Variants in DMPK observed in about 807,000 individuals in gnomAD.
DMPK encodes myotonin-protein kinase.
DMPK carries 32 observed loss-of-function variants against 70.3 expected under a neutral mutation model. That is an observed-to-expected ratio of 0.46 (90% CI 0.34 to 0.61). The LOEUF (loss-of-function observed/expected upper bound fraction) is 0.61. Among genes scored for constraint, DMPK ranks in the 20% least tolerant of loss-of-function variants. The pLI is 0.01. For missense variants in DMPK, 899 were observed against 886.0 expected (o/e 1.01, Z -0.19); for synonymous variants, 469 against 390.9 (o/e 1.20, Z -2.36).
In DMPK at chr19:45,770,998, G is replaced by C. The variant is rs567838390; in HGVS notation, c.1710C>G (p.His570Gln). The change falls in exon 14 of 15, where the codon CAC becomes CAG. Residue 570 changes from histidine (H) to glutamine (Q), a missense_variant. By Grantham distance (24) the His-to-Gln change is conservative. Coordinates refer to ENST00000291270, the MANE Select transcript of DMPK (RefSeq NM_004409.5). The stretch of plus-strand genomic sequence containing the variant: ...TGGCAGGGAGCAGCAGGTGGCGGCG[G>C]TGCATGGGGCCTGGCCCCACCAGCG... ...QCPLVGPGPM[H>Q]RRHLLLPARV... 12 of 1,445,012 alleles carry C rather than the reference G, an allele frequency of 8.3e-6. No homozygotes were observed. The highest frequency in any genetic ancestry group is 1.0e-5 in the Non-Finnish European group (11 of 1,102,686). The allele number at this position is 1,445,012 out of a possible 1,614,324, so 89.5% of individuals were successfully genotyped here.
Position 45,782,232 on chromosome 19 carries a change from G to A in DMPK, c.121C>T (p.Leu41=). The A allele has an allele frequency of 6.2e-7, 1 of 1,608,514 alleles. No homozygotes were observed. Among genetic ancestry groups the A allele is most frequent in the South Asian group, 1.1e-5 (1 of 90,614 alleles). The part of the protein sequence containing the change: ...GVHQELGASE[L]AQDKYVADFL... ...TCGGCCACGTACTTGTCCTGGGCCA[G>A]TTCGGAGGCGCCCAGCTCCTGGTGG... The change falls in exon 1 of 15, where the codon CTG becomes TTG. Residue 41 remains leucine, a synonymous_variant. Transcript: ENST00000291270.
In DMPK at chr19:45,779,820, G is replaced by C; in HGVS notation, c.210C>G (p.Asp70Glu). 6.3e-7 allele frequency: 1 copy of C among 1,587,472 alleles called. No individual in the cohort carries two copies. Among genetic ancestry groups the C allele is most frequent in the Non-Finnish European group, 8.6e-7 (1 of 1,164,616 alleles). Residue 70 changes from aspartate to glutamate, a missense_variant, in exon 2 of 15, where the codon GAC becomes GAG. Physicochemically the swap from Asp to Glu is conservative, Grantham distance 45 (BLOSUM62 2). This residue lies in a region of DMPK where 149 missense variants were observed against 142.5 expected (regional missense o/e 1.05). Coordinates refer to ENST00000291270, the MANE Select transcript of DMPK (RefSeq NM_004409.5). Reference protein sequence around the residue: ...RLKEVRLQRDDFEILKVIGRG... With the variant: ...RLKEVRLQRDEFEILKVIGRG... The stretch of plus-strand genomic sequence containing the variant: ...GTCCGATCACCTTCAGAATCTCGAA[G>C]TCGTCCCTCTGCAGTCGGACCTCCT...
At chr19:45,771,527 C>T in intron 12 of DMPK, 41 bp downstream of exon 12, 2 of 1,613,050 alleles carry the variant, frequency 1.2e-6, no homozygotes, top group Non-Finnish European at 8.5e-7. Context: ...CGGCCCACCT[C>T]CTCCCGGTCC....
chr19:45,777,190 T>C lies in DMPK; in HGVS notation c.1146+137A>G, dbSNP rs556995262. 5 of 1,238,724 alleles carry C rather than the reference T, an allele frequency of 4.0e-6. No homozygotes were observed. Among genetic ancestry groups the C allele is most frequent in the South Asian group, 3.2e-5 (2 of 62,822 alleles). 76.7% of individuals were successfully genotyped at this position (1,238,724 alleles called of 1,614,324 possible). On this transcript the variant is annotated intron_variant, in intron 8 of 14. Coordinates refer to ENST00000291270, the MANE Select transcript of DMPK (RefSeq NM_004409.5). This position sits in a 1 kb window ranked among gnomAD's most constrained non-coding sequence, Gnocchi z 6.7. Reference sequence around the variant, plus strand: ...GTCTAGGTCACTGCTGGGTCCTCAGTAGTAGATGGGCACAGAGCAGGTGCT... The same window carrying C: ...GTCTAGGTCACTGCTGGGTCCTCAGCAGTAGATGGGCACAGAGCAGGTGCT...
At position 45,779,422 on chromosome 19, in the gene DMPK, T is replaced by G. The variant is rs998740891; in HGVS notation, c.336+17A>C. ...GCGCGGATCCTCAAAGCCCCCCACG[T>G]CCGCCCAGCCCCTCACCTCGCCCCT... On this transcript the variant is annotated intron_variant, in intron 3 of 14. Transcript: ENST00000291270. The G allele has an allele frequency of 9.3e-6, 15 of 1,613,718 alleles. No homozygotes were observed. Among genetic ancestry groups the G allele is most frequent in the Non-Finnish European group, 1.3e-5 (15 of 1,179,960 alleles).
intron 8 of DMPK, among the ~76,000 whole-genome samples, chr19:45,776,327 G>T (rs77044979): frequency 1.7e-4 from 8 of 48,360 alleles, no homozygotes; most frequent in Admixed American, 6.7e-4. Flanking sequence ...GTATTTTTAG[G>T]AGAGATGGGG....
intron 1 of DMPK, chr19:45,780,163 G>A (rs1970039373): frequency 2.4e-5 from 35 of 1,436,224 alleles, no homozygotes; most frequent in Non-Finnish European, 3.1e-5. Context: ...TCTGCAGAAG[G>A]ACAGACCCTA....
rs980738880 is a variant in DMPK, at chr19:45,774,848, T to G, written c.1232+101A>C. 118 of 933,348 alleles carry G rather than the reference T, an allele frequency of 1.3e-4. No homozygotes were observed. In the Admixed American group the frequency reaches 2.1e-3, roughly 17 times the overall value. The allele number at this position is 933,348 out of a possible 1,614,324, so 57.8% of individuals were successfully genotyped here. On this transcript the variant is annotated intron_variant, in intron 9 of 14. Transcript: ENST00000291270. ...AGTCTTTGGGCCCAAAACAGTAAGG[T>G]TCCAAGACTGATCCTGCAACTCCAT...
Position 45,770,424 on chromosome 19 carries a change from C to T in DMPK, c.*64G>A. On this transcript the variant is annotated 3_prime_UTR_variant, in exon 15 of 15. Transcript: ENST00000291270. ...AACTGGCAGGCGGTGGGCGCGGCTT[C>T]TGTGCCGTGCCCCGGGCACTCAGTC... 6.5e-7 allele frequency: 1 copy of T among 1,532,220 alleles called. No homozygotes were observed. Among genetic ancestry groups the T allele is most frequent in the Non-Finnish European group, 8.8e-7 (1 of 1,132,224 alleles). The allele number at this position is 1,532,220 out of a possible 1,614,324, so 94.9% of individuals were successfully genotyped here.
In DMPK at chr19:45,779,431, C is replaced by A; in HGVS notation, c.336+8G>T. 6.2e-7 allele frequency: 1 copy of A among 1,613,992 alleles called. No individual in the cohort carries two copies. The highest frequency in any genetic ancestry group is 8.5e-7 in the Non-Finnish European group (1 of 1,180,016). On this transcript the variant is annotated splice_region_variant and intron_variant, in intron 3 of 14. Coordinates refer to ENST00000291270, the MANE Select transcript of DMPK (RefSeq NM_004409.5). ...CTCAAAGCCCCCCACGTCCGCCCAG[C>A]CCCTCACCTCGCCCCTCTTCAGCAT...
At chr19:45,778,283 C>T in intron 5 of DMPK, 63 bp from the exon 6 acceptor site, 2 of 1,515,714 alleles carry the variant, frequency 1.3e-6, no homozygotes, top group Non-Finnish European at 1.8e-6. Flanking sequence ...CCACCAGGCT[C>T]CGCCCCTCCG....
Position 45,771,619 on chromosome 19 carries a change from CGT to C in DMPK, c.1547_1548del (p.His516ArgfsTer66), listed in dbSNP as rs988559852. 6.2e-7 allele frequency: 1 copy of C among 1,613,954 alleles called. No individual in the cohort carries two copies. ...AEARNRDLEAHVRQLQERMEL... is the reference protein window; with the variant it reads ...AEARNRDLEAXVRQLQERMEL... ...TCCATCCGCTCCTGCAACTGCCGGACGTGTGCCTCTAGGTCCCGGTTCCGAGC... is the reference window on the plus strand; with the variant it reads ...TCCATCCGCTCCTGCAACTGCCGGACGTGCCTCTAGGTCCCGGTTCCGAGC... On this transcript the variant is annotated frameshift_variant, in exon 12 of 15. Coordinates refer to ENST00000291270, the MANE Select transcript of DMPK (RefSeq NM_004409.5). LOFTEE classifies it high-confidence loss of function.
intron 10 of DMPK, 48 bp downstream of exon 10, chr19:45,772,593 T>C (rs1404900516): frequency 3.8e-6 from 5 of 1,329,374 alleles, no homozygotes; most frequent in Admixed American, 4.9e-5. Flanking sequence ...CCCTCACCTT[T>C]TCTCTCCCAA....
rs768834265 is a variant in DMPK at position 45,772,765 on chromosome 19, G to C, written c.1233-13C>G. On this transcript the variant is annotated splice_polypyrimidine_tract_variant and intron_variant, in intron 9 of 14. Transcript: ENST00000291270. ...GACCTCACTGTCCCTGGGGAGAGGA[G>C]GAGGGAGTGGGGAGGGAGACAGAAT... is the stretch of plus-strand genomic sequence containing the variant. 4.5e-5 allele frequency: 64 copies of C among 1,414,196 alleles called. No individual in the cohort carries two copies. Among genetic ancestry groups the C allele is most frequent in the Non-Finnish European group, 5.7e-5 (61 of 1,067,862 alleles). 87.6% of individuals were successfully genotyped at this position (1,414,196 alleles called of 1,614,324 possible).
Position 45,778,698 on chromosome 19 carries a change from G to A in DMPK, c.433-57C>T, listed in dbSNP as rs540487664. 692 of 1,561,646 alleles carry A rather than the reference G, an allele frequency of 4.4e-4. 15 individuals are homozygous for A. The highest frequency in any genetic ancestry group is 3.8e-3 in the South Asian group (332 of 86,234). On this transcript the variant is annotated intron_variant, in intron 4 of 14. Coordinates refer to ENST00000291270, the MANE Select transcript of DMPK (RefSeq NM_004409.5). ...GTCCCCTGAGGCCCTGATCCATCACGGATGGCTGGGACAACCCCTCCCAGA... is the reference window on the plus strand; with the variant it reads ...GTCCCCTGAGGCCCTGATCCATCACAGATGGCTGGGACAACCCCTCCCAGA...
Position 45,770,636 on chromosome 19 carries a change from G to A in DMPK, c.1742C>T (p.Pro581Leu), listed in dbSNP as rs766786688. 9.7e-6 allele frequency: 15 copies of A among 1,551,256 alleles called. No homozygotes were observed. Among genetic ancestry groups the A allele is most frequent in the Middle Eastern group, 1.7e-4 (1 of 5,992 alleles). Residue 581 changes from proline (P) to leucine (L), a missense_variant, in exon 15 of 15, where the codon CCT becomes CTT. Coordinates refer to ENST00000291270, the MANE Select transcript of DMPK (RefSeq NM_004409.5). ...AAGCGCCTCCGATAGGCCAGGCCTA[G>A]GGACCTGCGGGGAGAGGGCGAGGTC... Reference protein sequence around the residue: ...RRHLLLPARVPRPGLSEALSL... With the variant: ...RRHLLLPARVLRPGLSEALSL...
At chr19:45,776,012 G>A (rs1205839711) in intron 8 of DMPK, among the ~76,000 whole-genome samples, 1 of 108,028 alleles carries the variant, frequency 9.3e-6, no homozygotes, top group Non-Finnish European at 2.0e-5. Flanking sequence ...TAGTAGAGAC[G>A]GGGTTTCACC....
At chr19:45,774,143 G>A (rs1394464126) in intron 9 of DMPK, among the ~76,000 whole-genome samples, 1 of 151,620 alleles carries the variant, frequency 6.6e-6, no homozygotes. Context: ...GTAGAGATGA[G>A]GTTTCTCCAC....
In DMPK at chr19:45,770,278, A is replaced by T; in HGVS notation, c.*210T>A. 1.3e-6 allele frequency: 1 copy of T among 741,634 alleles called. No homozygotes were observed. Among genetic ancestry groups the T allele is most frequent in the Non-Finnish European group, 2.2e-6 (1 of 459,650 alleles). The allele number at this position is 741,634 out of a possible 1,614,324, so 45.9% of individuals were successfully genotyped here. A position where few individuals can be genotyped will look rare whatever the true frequency, so the allele number is the denominator to read the frequency against. Reference sequence around the variant, plus strand: ...CAGCAGCAGCAGCATTCCCGGCTACAAGGACCCTTCGAGCCCCGTTCGCCG... The same window carrying T: ...CAGCAGCAGCAGCATTCCCGGCTACTAGGACCCTTCGAGCCCCGTTCGCCG... On this transcript the variant is annotated 3_prime_UTR_variant, in exon 15 of 15. Coordinates refer to ENST00000291270, the MANE Select transcript of DMPK (RefSeq NM_004409.5).
Sources: allele counts gnomAD v4.1 joint callset (sites outside exome capture counted in the v4.1 genomes callset), GRCh38; gene constraint gnomAD v4.1.1; regional missense constraint gnomAD v4.1.1; non-coding constraint Gnocchi (gnomAD v3.1); transcripts MANE v1.5; gene names NCBI Gene and HGNC (gene_info 2026-07-23, HGNC 2026-07-21).